The following CCDC83 variants were observed in gnomAD, a reference collection of about 807,000 sequenced individuals.
CCDC83 encodes the protein coiled-coil domain containing 83.
CCDC83 carries 54 observed loss-of-function variants against 50.1 expected under a neutral mutation model. The ratio of observed to expected loss-of-function variants is 1.08; its 90% CI spans 0.87 to 1.35. CCDC83 has a LOEUF of 1.35. CCDC83 is among the 40% of genes most tolerant of loss of function. The pLI is 0.00. For missense variants in CCDC83, 518 were observed against 473.9 expected, an observed-to-expected ratio of 1.09 and a Z score of -0.86; for synonymous variants, 161 against 153.3, an observed-to-expected ratio of 1.05 and a Z score of -0.37.
chr11:85,915,158 C>T (rs12802064), intron 8 of CCDC83, among the ~76,000 whole-genome samples: 2 of 152,080 alleles, frequency 1.3e-5, no homozygotes, highest in African/African-American at 4.8e-5. Flanking sequence ...TTTCCTTCCC[C>T]CTAAAGCTGA....
chr11:85,880,569 C>T (rs911341095), intron 3 of CCDC83, among the ~76,000 whole-genome samples: 3 of 150,492 alleles, frequency 2.0e-5, no homozygotes, highest in African/African-American at 7.3e-5. Flanking sequence ...AGCCACTGTG[C>T]TGGGCCCAGA....
intron 1 of CCDC83, among the ~76,000 whole-genome samples, chr11:85,860,843 T>G (rs1362862225): frequency 6.6e-6 from 1 of 152,228 alleles, no homozygotes; most frequent in Non-Finnish European, 1.5e-5. Context: ...GCAACATGGA[T>G]GCAGCTGGAG....
intron 2 of CCDC83, among the ~76,000 whole-genome samples, chr11:85,871,700 G>A (rs1355972984): frequency 6.6e-6 from 1 of 152,066 alleles, no homozygotes; most frequent in Non-Finnish European, 1.5e-5. Flanking sequence ...TTAGGCCCAG[G>A]GAATTGACTT....
chr11:85,912,710 G>A, intron 8 of CCDC83: 5 of 1,611,674 alleles, frequency 3.1e-6, no homozygotes, highest in Non-Finnish European at 4.2e-6. Flanking sequence ...GCTGCCTTTG[G>A]AATCATGTCT....
intron 7 of CCDC83, 106 bp downstream of exon 7, chr11:85,899,121 C>T (rs1181242408): frequency 2.7e-6 from 2 of 744,510 alleles, no homozygotes; most frequent in African/African-American, 3.5e-5. Context: ...GGTACCATGA[C>T]TGACTGAGAC....
intron 1 of CCDC83, among the ~76,000 whole-genome samples, chr11:85,863,253 A>T (rs1246688562): frequency 6.6e-6 from 1 of 152,240 alleles, no homozygotes; most frequent in Non-Finnish European, 1.5e-5. Flanking sequence ...TTTGTGCAAC[A>T]GCCAAGTTTA....
intron 5 of CCDC83, among the ~76,000 whole-genome samples, chr11:85,892,356 T>G (rs1228151538): frequency 6.6e-6 from 1 of 152,192 alleles, no homozygotes; most frequent in African/African-American, 2.4e-5. Flanking sequence ...CATTCACCAA[T>G]AAATGGTTAA....
At chr11:85,895,014 C>A (rs1349596607) in intron 5 of CCDC83, among the ~76,000 whole-genome samples, 3 of 152,188 alleles carry the variant, frequency 2.0e-5, no homozygotes, top group African/African-American at 7.2e-5. Flanking sequence ...TAACTTATAA[C>A]CAGGTCTATC....
At chr11:85,915,903 C>T (rs911783246) in intron 9 of CCDC83, 125 bp from the exon 10 acceptor site, 15 of 687,608 alleles carry the variant, frequency 2.2e-5, no homozygotes, top group Non-Finnish European at 3.5e-5. Flanking sequence ...TACTTTAATA[C>T]ATAAATTCTA....
At chr11:85,905,969 CAAAAAAAA>C (rs760367430) in intron 7 of CCDC83, among the ~76,000 whole-genome samples, 38 of 47,638 alleles carry the variant, frequency 8.0e-4, no homozygotes, top group African/African-American at 2.1e-3. Flanking sequence ...GACTCCGTCT[CAAAAAAAA>C]AAAAAAAAAA....
chr11:85,873,261 C>T lies in CCDC83; in HGVS notation c.146C>T (p.Thr49Ile). 1 of 1,552,744 alleles carries T rather than the reference C, an allele frequency of 6.4e-7. No homozygotes were observed. The highest frequency in any genetic ancestry group is 8.7e-7 in the Non-Finnish European group (1 of 1,144,748). The change falls in exon 3 of 11, where the codon ACA (threonine) becomes ATA (isoleucine). Residue 49 changes from threonine to isoleucine, a missense_variant. By Grantham distance (89) the Thr-to-Ile change is moderately conservative. Transcript: ENST00000342404. ...AVEQFMFQIK[T>I]LRKKNQKYHE... ...GAGCAATTCATGTTTCAAATAAAGA[C>T]ACTTAGGAAAAAGAACCAAAAATAT...
chr11:85,915,576 G>A (rs1227698560), intron 9 of CCDC83, 78 bp downstream of exon 9: 5 of 989,028 alleles, frequency 5.1e-6, no homozygotes, highest in Admixed American at 2.2e-5. Flanking sequence ...TACCTATTGT[G>A]AGCAGGTGCC....
intron 7 of CCDC83, among the ~76,000 whole-genome samples, chr11:85,909,166 T>C (rs2093440651): frequency 6.6e-6 from 1 of 152,212 alleles, no homozygotes; most frequent in Non-Finnish European, 1.5e-5. Context: ...GAAATGATCA[T>C]GTGATAGAGA....
rs1360274880 is a variant in CCDC83 at position 85,873,228 on chromosome 11, A to T, written c.113A>T (p.Asp38Val). 2 of 1,552,290 alleles carry T rather than the reference A, an allele frequency of 1.3e-6. No individual in the cohort carries two copies. Among genetic ancestry groups the T allele is most frequent in the Admixed American group, 3.9e-5 (2 of 51,304 alleles). ...ATTCTCAGATGTCAAATAAAGGAAG[A>T]TGCCGTGGAGCAATTCATGTTTCAA... is the stretch of plus-strand genomic sequence containing the variant. The part of the protein sequence containing the change: ...LLDYQCQIKE[D>V]AVEQFMFQIK... Residue 38 changes from aspartate to valine, a missense_variant, in exon 3 of 11, where the codon GAT (aspartate) becomes GTT (valine). Coordinates refer to ENST00000342404, the MANE Select transcript of CCDC83 (RefSeq NM_001286159.2).
chr11:85,891,448 TCTC>T (rs1034117017), intron 5 of CCDC83, among the ~76,000 whole-genome samples: 4 of 152,112 alleles, frequency 2.6e-5, no homozygotes, highest in Non-Finnish European at 5.9e-5. Context: ...CAAGGTTACT[TCTC>T]CTCAATAAAA....
At chr11:85,857,232 G>C (rs903318202) in intron 1 of CCDC83, among the ~76,000 whole-genome samples, 1 of 152,150 alleles carries the variant, frequency 6.6e-6, no homozygotes, top group South Asian at 2.1e-4. Context: ...AAGGGCACGC[G>C]CATCACCAGT....
At chr11:85,883,010 T>C (rs2093309081) in intron 4 of CCDC83, among the ~76,000 whole-genome samples, 1 of 152,188 alleles carries the variant, frequency 6.6e-6, no homozygotes, top group Admixed American at 6.5e-5. Flanking sequence ...CTTAACCTCC[T>C]GGGCTCATGC....
At position 85,882,569 on chromosome 11, in the gene CCDC83, G is replaced by C. The variant is rs1181982994; in HGVS notation, c.237G>C (p.Leu79=). The part of the protein sequence containing the change: ...IWHIRHLLKE[L]SEEKAEGLPV... ...ACATACGGCATCTACTAAAGGAACT[G>C]AGTGAAGAGAAGGCAGAGGGATTGC... is the stretch of plus-strand genomic sequence containing the variant. Residue 79 remains leucine, a synonymous_variant, in exon 4 of 11, where the codon CTG becomes CTC. Coordinates refer to ENST00000342404, the MANE Select transcript of CCDC83 (RefSeq NM_001286159.2). 3 of 1,613,932 alleles carry C rather than the reference G, an allele frequency of 1.9e-6. No individual in the cohort carries two copies. Among genetic ancestry groups the C allele is most frequent in the Admixed American group, 3.3e-5 (2 of 60,008 alleles).
intron 5 of CCDC83, among the ~76,000 whole-genome samples, chr11:85,894,146 G>T (rs771902064): frequency 7.7e-4 from 117 of 152,088 alleles, no homozygotes; most frequent in Non-Finnish European, 1.2e-3. Flanking sequence ...GGGAAAAATT[G>T]TCTTCCAGGA....
Sources: gnomAD v4.1 joint callset for allele counts (sites outside exome capture counted in the v4.1 genomes callset) on GRCh38, gnomAD v4.1.1 for gene constraint, MANE v1.5 for transcripts, NCBI Gene and HGNC (gene_info 2026-07-23, HGNC 2026-07-21) for gene names.